Variants in CACNA1C observed in about 807,000 individuals in gnomAD.
CACNA1C encodes the protein voltage-dependent L-type calcium channel subunit alpha-1C.
Under a neutral mutation model 229.0 loss-of-function variants are expected in CACNA1C, and 30 were observed. That is an observed-to-expected ratio of 0.13 (90% CI 0.10 to 0.18). CACNA1C has a LOEUF of 0.18. CACNA1C is among the 10% of genes least tolerant of loss of function. The probability of loss-of-function intolerance (pLI) is 1.00; values close to 1 mark genes in which losing one functional copy is unlikely to be tolerated. For synonymous variants in CACNA1C, 1,114 were observed against 1,132.5 expected (o/e 0.98, Z 0.33); for missense variants, 1,658 against 2,845.0 (o/e 0.58, Z 9.49).
rs563966370 is a variant in CACNA1C, at chr12:2,504,753, C to T, written c.1114-89C>T. ...AGAGGGTCCCCGGATCCTGGCGCTGCGTGGGTCAGTGTCTCGGGAGCCGGG... is the reference window on the plus strand; with the variant it reads ...AGAGGGTCCCCGGATCCTGGCGCTGTGTGGGTCAGTGTCTCGGGAGCCGGG... On this transcript the variant is annotated intron_variant, in intron 7 of 46. Coordinates refer to ENST00000399655, the MANE Select transcript of CACNA1C (RefSeq NM_000719.7). This position sits in a 1 kb window ranked among gnomAD's most constrained non-coding sequence, Gnocchi z 6.8. The T allele has an allele frequency of 3.4e-5, 29 of 850,136 alleles. No individual in the cohort carries two copies. The highest frequency in any genetic ancestry group is 1.5e-4 in the East Asian group (6 of 39,674). The allele number at this position is 850,136 out of a possible 1,614,324, so 52.7% of individuals were successfully genotyped here.
intron 3 of CACNA1C, among the ~76,000 whole-genome samples, chr12:2,226,227 A>G (rs2062986897): frequency 6.6e-6 from 1 of 151,496 alleles, no homozygotes; most frequent in African/African-American, 2.4e-5. Flanking sequence ...TAAATTAGCT[A>G]TTATTTGTGT....
At chr12:2,261,137 C>T (rs1166410248) in intron 3 of CACNA1C, among the ~76,000 whole-genome samples, 1 of 151,786 alleles carries the variant, frequency 6.6e-6, no homozygotes, top group Admixed American at 6.6e-5. Context: ...AAGGCTGAGG[C>T]AGGAGAATGG....
At chr12:2,618,526 G>A (rs1367491776) in intron 29 of CACNA1C, among the ~76,000 whole-genome samples, 1 of 152,256 alleles carries the variant, frequency 6.6e-6, no homozygotes, top group African/African-American at 2.4e-5. Flanking sequence ...CCCCACCGGT[G>A]CCCTGGGGCA....
Position 2,494,101 on chromosome 12 carries a change from T to G in CACNA1C, c.1113+715T>G, listed in dbSNP as rs577474711. Among the ~76,000 whole-genome samples the G allele has an allele frequency of 2.7e-3, 409 of 152,216 alleles. 2 individuals are homozygous for G. The highest frequency in any genetic ancestry group is 0.015 in the South Asian group (70 of 4,804). ...CATAGGTATACATGAGACATGGTGG[T>G]TTGTTGCACCCATCCACCCGTCATC... On this transcript the variant is annotated intron_variant, in intron 7 of 46. Coordinates refer to ENST00000399655, the MANE Select transcript of CACNA1C (RefSeq NM_000719.7).
At chr12:2,659,885 G>T (rs555777753) in intron 34 of CACNA1C, 1 of 155,060 alleles carries the variant, frequency 6.4e-6, no homozygotes, top group Non-Finnish European at 1.4e-5. Flanking sequence ...AATGATAAGA[G>T]AATTTCATGC....
chr12:2,394,199 G>A (rs549269708), intron 3 of CACNA1C, among the ~76,000 whole-genome samples: 3 of 151,986 alleles, frequency 2.0e-5, no homozygotes, highest in South Asian at 2.1e-4. Flanking sequence ...CGGGCCAGGC[G>A]GAGGCCTGTC....
rs1228471668 is a variant in CACNA1C, at chr12:2,601,006, T to A, written c.2854-848T>A. Among the ~76,000 whole-genome samples, 1 of 152,150 alleles carries A rather than the reference T, an allele frequency of 6.6e-6. No homozygotes were observed. Among genetic ancestry groups the A allele is most frequent in the Non-Finnish European group, 1.5e-5 (1 of 68,018 alleles). On this transcript the variant is annotated intron_variant, in intron 21 of 46. Transcript: ENST00000399655. The surrounding 1 kb of genome is among the most constrained non-coding windows in gnomAD (Gnocchi z 5.9). ...CACTAAGAGAATTTGAGTTTCTTGC[T>A]CCAGGCCACAAAAATAAAATACCAC...
intron 3 of CACNA1C, among the ~76,000 whole-genome samples, chr12:2,121,789 C>T (rs570270230): frequency 2.6e-5 from 4 of 152,244 alleles, no homozygotes; most frequent in Non-Finnish European, 5.9e-5. Context: ...GTGTAGCCAC[C>T]TCCTTCCTCT....
chr12:2,491,794 A>G (rs2099735405), intron 6 of CACNA1C, among the ~76,000 whole-genome samples: 3 of 152,218 alleles, frequency 2.0e-5, no homozygotes, highest in African/African-American at 7.2e-5. Context: ...GGGAGTGAAC[A>G]GTTTCAGATT....
intron 3 of CACNA1C, among the ~76,000 whole-genome samples, chr12:2,155,233 G>T (rs1476758829): frequency 6.6e-6 from 1 of 152,162 alleles, no homozygotes; most frequent in East Asian, 1.9e-4. Context: ...TTCCCTTGGT[G>T]TGGGATTGAT....
At position 2,639,691 on chromosome 12, in the gene CACNA1C, C is replaced by CCCATTGCCT. The variant is rs1319851020; in HGVS notation, c.3912+5312_3912+5320dup. On this transcript the variant is annotated intron_variant, in intron 30 of 46. Transcript: ENST00000399655. This position sits in a 1 kb window ranked among gnomAD's most constrained non-coding sequence, Gnocchi z 4.2. ...AGCTGGAGGTGGATGCTTCATTGCCCCCATTGCCTTGCTGGGTTCTGAGGT... is the reference window on the plus strand; with the variant it reads ...AGCTGGAGGTGGATGCTTCATTGCCCCCATTGCCTCCATTGCCTTGCTGGGTTCTGAGGT... Among the ~76,000 whole-genome samples, 3 of 152,100 alleles carry CCCATTGCCT rather than the reference C, an allele frequency of 2.0e-5. No individual in the cohort carries two copies. Among genetic ancestry groups the CCCATTGCCT allele is most frequent in the East Asian group, 3.9e-4 (2 of 5,184 alleles).
At chr12:2,534,569 A>G (rs1036011536) in intron 9 of CACNA1C, among the ~76,000 whole-genome samples, 1 of 152,168 alleles carries the variant, frequency 6.6e-6, no homozygotes, top group Non-Finnish European at 1.5e-5. Flanking sequence ...AAGAAATCTT[A>G]GAGATCTCCT....
At chr12:2,453,721 C>T (rs919113642) in intron 4 of CACNA1C, among the ~76,000 whole-genome samples, 1 of 152,286 alleles carries the variant, frequency 6.6e-6, no homozygotes, top group Middle Eastern at 3.4e-3. Context: ...TAGTCCCTCG[C>T]CTGTTCAGGG....
rs2048762661 is a variant in CACNA1C, at chr12:2,034,535, ACTAAGAGTCC to A, written c.139+63337_139+63346del. 6.6e-6 allele frequency among the ~76,000 whole-genome samples: 1 copy of A among 152,202 alleles called. No homozygotes were observed. The highest frequency in any genetic ancestry group is 1.9e-4 in the East Asian group (1 of 5,200). Reference sequence around the variant, plus strand: ...GAGGGTACTGTGGTGGGTATTTAATACTAAGAGTCCCTCTTAATACTTTCTGTTTTATTAC... The same window carrying A: ...GAGGGTACTGTGGTGGGTATTTAATACTCTTAATACTTTCTGTTTTATTAC... On this transcript the variant is annotated intron_variant, in intron 1 of 46. Coordinates refer to the CACNA1C transcript ENST00000682462. The surrounding 1 kb of genome is among the most constrained non-coding windows in gnomAD (Gnocchi z 4.1).
chr12:2,232,430 T>G (rs988618026), intron 3 of CACNA1C, among the ~76,000 whole-genome samples: 1 of 152,034 alleles, frequency 6.6e-6, no homozygotes, highest in African/African-American at 2.4e-5. Flanking sequence ...GATGTTCCCT[T>G]CACAATGTGT....
At chr12:2,216,768 T>C (rs1313218654) in intron 3 of CACNA1C, among the ~76,000 whole-genome samples, 4 of 152,142 alleles carry the variant, frequency 2.6e-5, no homozygotes, top group Non-Finnish European at 5.9e-5. Flanking sequence ...GCAGCCAGGG[T>C]TGAGAACCAC....
At chr12:2,491,280 G>A (rs1429392731) in intron 6 of CACNA1C, among the ~76,000 whole-genome samples, 1 of 152,144 alleles carries the variant, frequency 6.6e-6, no homozygotes. Context: ...TGATGGCCGT[G>A]CTTTAAAATG....
intron 3 of CACNA1C, among the ~76,000 whole-genome samples, chr12:2,435,082 A>G (rs1460219754): frequency 6.6e-6 from 1 of 152,166 alleles, no homozygotes; most frequent in Admixed American, 6.5e-5. Flanking sequence ...CTGCCTGGGC[A>G]GAGGCTTTCC....
chr12:2,254,896 G>A (rs1464339159), intron 3 of CACNA1C, among the ~76,000 whole-genome samples: 1 of 152,206 alleles, frequency 6.6e-6, no homozygotes, highest in Non-Finnish European at 1.5e-5. Context: ...TGGCAGTTGA[G>A]TCTCTGAAAG....
Sources: gnomAD v4.1 joint callset for allele counts (sites outside exome capture counted in the v4.1 genomes callset) on GRCh38, gnomAD v4.1.1 for gene constraint, Gnocchi (gnomAD v3.1) non-coding constraint, MANE v1.5 for transcripts, NCBI Gene and HGNC (gene_info 2026-07-23, HGNC 2026-07-21) for gene names.